GNPAT: variants seen among roughly 807,000 people sequenced by gnomAD.
The protein encoded by GNPAT is glyceronephosphate O-acyltransferase.
A neutral mutation model predicts 78.4 loss-of-function variants in GNPAT; 30 were observed. The observed-to-expected ratio is 0.38, with a 90% confidence interval of 0.29 to 0.52. The LOEUF is 0.52. Among genes scored for constraint, GNPAT ranks in the 20% least tolerant of loss-of-function variants. The pLI is 0.84. For synonymous variants in GNPAT, 271 were observed against 281.1 expected, an observed-to-expected ratio of 0.96 and a Z score of 0.36; for missense variants, 714 against 812.2, an observed-to-expected ratio of 0.88 and a Z score of 1.47.
Position 231,270,935 on chromosome 1 carries a change from T to G in GNPAT, c.1457T>G (p.Leu486Arg). Residue 486 changes from leucine to arginine, a missense_variant, in exon 10 of 16, where the codon CTC becomes CGC. Coordinates refer to ENST00000366647, the MANE Select transcript of GNPAT (RefSeq NM_014236.4). ...TGCTCAGCTTATAGGAACCAGCTGCTCAACATTTTTGTGCGCCCATCCTTA... is the reference window on the plus strand; with the variant it reads ...TGCTCAGCTTATAGGAACCAGCTGCGCAACATTTTTGTGCGCCCATCCTTA... ...LMCSAYRNQL[L>R]NIFVRPSLVA... 6.2e-7 allele frequency: 1 copy of G among 1,614,000 alleles called. No individual in the cohort carries two copies. The highest frequency in any genetic ancestry group is 8.5e-7 in the Non-Finnish European group (1 of 1,179,878).
At position 231,266,312 on chromosome 1, in the gene GNPAT, T is replaced by C; in HGVS notation, c.960T>C (p.Asn320=). The change falls in exon 8 of 16, where the codon AAT becomes AAC. Residue 320 remains asparagine, a synonymous_variant. Transcript: ENST00000366647. Reference sequence around the variant, plus strand: ...AAGCCAGAAAGATTCTCTCTGAAAATTTTGGAAGCATCCATGTGTACTTTG... The same window carrying C: ...AAGCCAGAAAGATTCTCTCTGAAAACTTTGGAAGCATCCATGTGTACTTTG... ...LLKARKILSE[N]FGSIHVYFGD... 1.2e-6 allele frequency: 2 copies of C among 1,614,124 alleles called. No individual in the cohort carries two copies. The highest frequency in any genetic ancestry group is 2.2e-5 in the South Asian group (2 of 91,082).
intron 9 of GNPAT, among the ~76,000 whole-genome samples, chr1:231,268,404 A>C (rs1337974207): frequency 6.6e-6 from 1 of 152,172 alleles, no homozygotes; most frequent in African/African-American, 2.4e-5. Context: ...TTTACATGTC[A>C]TTTCCCACTA....
At chr1:231,241,641 A>G (rs1237973654) in intron 1 of GNPAT, among the ~76,000 whole-genome samples, 185 bp downstream of exon 1, 1 of 152,214 alleles carries the variant, frequency 6.6e-6, no homozygotes, top group African/African-American at 2.4e-5. Flanking sequence ...CTGTGTGTGC[A>G]TGCTTTTGGA....
Position 231,265,300 on chromosome 1 carries a change from G to A in GNPAT, c.576G>A (p.Leu192=), listed in dbSNP as rs1448446271. 14 of 1,611,286 alleles carry A rather than the reference G, an allele frequency of 8.7e-6. No individual in the cohort carries two copies. Among genetic ancestry groups the A allele is most frequent in the Non-Finnish European group, 1.2e-5 (14 of 1,177,426 alleles). The change falls in exon 5 of 16, where the codon CTG becomes CTA. Residue 192 remains leucine, a synonymous_variant. Transcript: ENST00000366647. ...TTATCCCCTCTTTTTTAGACTTCCT[G>A]GGAATGAAAATGGTTGGTGAGCTGC... ...VPVIAAGMDF[L]GMKMVGELLR...
intron 11 of GNPAT, among the ~76,000 whole-genome samples, chr1:231,273,282 G>T: frequency 7.1e-6 from 1 of 140,934 alleles, no homozygotes; most frequent in Non-Finnish European, 1.5e-5. Flanking sequence ...GGTGGAGTCT[G>T]GCTCTGTCGC....
chr1:231,276,968 C>T (rs1312632539), intron 15 of GNPAT, among the ~76,000 whole-genome samples: 1 of 152,028 alleles, frequency 6.6e-6, no homozygotes, highest in Non-Finnish European at 1.5e-5. Context: ...AGATAAATGT[C>T]TGTTGGGATT....
At chr1:231,263,452 C>T (rs1685281429) in intron 4 of GNPAT, among the ~76,000 whole-genome samples, 1 of 152,182 alleles carries the variant, frequency 6.6e-6, no homozygotes, top group Non-Finnish European at 1.5e-5. Flanking sequence ...TGGAATCATA[C>T]AGTACTTGTC....
At chr1:231,277,075 G>T (rs1244318800) in intron 15 of GNPAT, among the ~76,000 whole-genome samples, 6 of 152,188 alleles carry the variant, frequency 3.9e-5, no homozygotes, top group African/African-American at 1.4e-4. Flanking sequence ...GAAGGCGGAA[G>T]TACTAGACCT....
chr1:231,277,657 C>CTT lies in GNPAT; in HGVS notation c.*116_*117insTT. 1 of 752,372 alleles carries CTT rather than the reference C, an allele frequency of 1.3e-6. No homozygotes were observed. 46.6% of individuals were successfully genotyped at this position (752,372 alleles called of 1,614,324 possible). On this transcript the variant is annotated 3_prime_UTR_variant, in exon 16 of 16. Transcript: ENST00000366647. ...ACATCCTCTCATACTCCCTGAGACT[C>CTT]TGAGAACAGTGGACGCAGAGGGAAG...
In GNPAT at chr1:231,241,235, C is replaced by T. The variant is rs1276682928; in HGVS notation, c.-144C>T. The T allele has an allele frequency of 1.3e-5, 19 of 1,483,838 alleles. No individual in the cohort carries two copies. In the Admixed American group the frequency reaches 2.4e-4, roughly 18 times the overall value. 91.9% of individuals were successfully genotyped at this position (1,483,838 alleles called of 1,614,324 possible). Reference sequence around the variant, plus strand: ...TTCCGTCCTGGCTGAGATGGCGGCGCCCGGGATCCTGTGTAGCGGCTGCAG... The same window carrying T: ...TTCCGTCCTGGCTGAGATGGCGGCGTCCGGGATCCTGTGTAGCGGCTGCAG... On this transcript the variant is annotated 5_prime_UTR_variant, in exon 1 of 16. Coordinates refer to ENST00000366647, the MANE Select transcript of GNPAT (RefSeq NM_014236.4).
chr1:231,258,622 A>ATTTTTTTTTTT (rs748666053), intron 2 of GNPAT, among the ~76,000 whole-genome samples: 3 of 73,762 alleles, frequency 4.1e-5, no homozygotes, highest in African/African-American at 1.2e-4. Flanking sequence ...TTTTAATGCA[A>ATTTTTTTTTTT]TTTTTTTTTT....
intron 4 of GNPAT, 112 bp downstream of exon 4, chr1:231,262,964 C>G: frequency 1.2e-6 from 1 of 801,376 alleles, no homozygotes; most frequent in Non-Finnish European, 2.1e-6. Flanking sequence ...CTCCTCCTTT[C>G]TTCCAGTCCT....
At chr1:231,274,469 T>A (rs1685655223) in intron 12 of GNPAT, among the ~76,000 whole-genome samples, 3 of 152,222 alleles carry the variant, frequency 2.0e-5, no homozygotes, top group Non-Finnish European at 4.4e-5. Context: ...AGTTACAGAT[T>A]ACCAGATGTT....
chr1:231,271,117 T>C (rs1390799613), intron 10 of GNPAT, 117 bp downstream of exon 10: 31 of 1,202,172 alleles, frequency 2.6e-5, no homozygotes, highest in Non-Finnish European at 3.6e-5. Flanking sequence ...AGAGCAGGCC[T>C]ATCACTGAGA....
At position 231,246,159 on chromosome 1, in the gene GNPAT, C is replaced by A. The variant is rs908630036; in HGVS notation, c.78+4703C>A. Among the ~76,000 whole-genome samples the A allele has an allele frequency of 4.6e-5, 7 of 152,274 alleles. No individual in the cohort carries two copies. In the East Asian group the frequency reaches 1.4e-3, roughly 29 times the overall value. The stretch of plus-strand genomic sequence containing the variant: ...TATAACTGTGTGCTACTGCTCATTT[C>A]TCCCCAGCTTTGCGTTTGCTGGGGT... On this transcript the variant is annotated intron_variant, in intron 1 of 15. Transcript: ENST00000366647.
At chr1:231,249,277 C>A (rs1369483598) in intron 1 of GNPAT, among the ~76,000 whole-genome samples, 2 of 152,140 alleles carry the variant, frequency 1.3e-5, no homozygotes, top group Non-Finnish European at 2.9e-5. Flanking sequence ...AGTGAAAAGA[C>A]CTTTCCTTCA....
intron 8 of GNPAT, among the ~76,000 whole-genome samples, chr1:231,267,195 C>T (rs1156236111): frequency 6.6e-6 from 1 of 152,174 alleles, no homozygotes; most frequent in Non-Finnish European, 1.5e-5. Flanking sequence ...CTCCAGCCAG[C>T]TCTGTGCAGG....
At position 231,276,190 on chromosome 1, in the gene GNPAT, A is replaced by G. The variant is rs1270693476; in HGVS notation, c.1993A>G (p.Met665Val). Reference sequence around the variant, plus strand: ...ACCTGCCACAACCAAATTAGAAGAAATGCTTGGTAAGTGCAGTTTAATAAA... The same window carrying G: ...ACCTGCCACAACCAAATTAGAAGAAGTGCTTGGTAAGTGCAGTTTAATAAA... Reference protein sequence around the residue: ...NEPATTKLEEMLGCKTPIGKP... With the variant: ...NEPATTKLEEVLGCKTPIGKP... The change falls in exon 15 of 16, where the codon ATG becomes GTG. Residue 665 changes from methionine to valine, a missense_variant. Transcript: ENST00000366647. 7.0e-7 allele frequency: 1 copy of G among 1,425,130 alleles called. No individual in the cohort carries two copies. The highest frequency in any genetic ancestry group is 9.9e-7 in the Non-Finnish European group (1 of 1,009,108). The allele number at this position is 1,425,130 out of a possible 1,614,324, so 88.3% of individuals were successfully genotyped here.
chr1:231,269,694 G>C (rs979732499), intron 9 of GNPAT, among the ~76,000 whole-genome samples: 9 of 152,150 alleles, frequency 5.9e-5, no homozygotes, highest in Non-Finnish European at 1.3e-4. Context: ...ATAGCTAAAA[G>C]GGCTCAAACC....
Sources: gnomAD v4.1 joint callset for allele counts (sites outside exome capture counted in the v4.1 genomes callset) on GRCh38, gnomAD v4.1.1 for gene constraint, MANE v1.5 for transcripts, NCBI Gene and HGNC (gene_info 2026-07-23, HGNC 2026-07-21) for gene names.